SLC26A9: variants seen among roughly 807,000 people sequenced by gnomAD.
SLC26A9 encodes the protein anion transporter/exchanger protein 9.
In SLC26A9, 46 loss-of-function variants were observed where a neutral mutation model predicts 87.1. That is an observed-to-expected ratio of 0.53 (90% CI 0.42 to 0.67). The LOEUF (loss-of-function observed/expected upper bound fraction) is 0.67, where lower values mean the gene tolerates loss of function less well. SLC26A9 is among the 30% of genes least tolerant of loss of function. The probability of loss-of-function intolerance (pLI) is 0.00; values close to 1 mark genes in which losing one functional copy is unlikely to be tolerated. For missense variants in SLC26A9, 927 were observed against 1,018.3 expected (o/e 0.91, Z 1.22); for synonymous variants, 437 against 409.1 (o/e 1.07, Z -0.82).
rs1383511183 is a variant in SLC26A9, at chr1:205,922,949, A to G, written c.1773+133T>C. 9 of 748,712 alleles carry G rather than the reference A, an allele frequency of 1.2e-5. No homozygotes were observed. In the East Asian group the frequency reaches 1.7e-4, roughly 14 times the overall value. The allele number at this position is 748,712 out of a possible 1,614,324, so 46.4% of individuals were successfully genotyped here. ...GAAAAATGCCCAGCGGCCACCAGGCAGTGTTCCCAGAGACTTTCTGTCTTT... is the reference window on the plus strand; with the variant it reads ...GAAAAATGCCCAGCGGCCACCAGGCGGTGTTCCCAGAGACTTTCTGTCTTT... On this transcript the variant is annotated intron_variant, in intron 16 of 20. Transcript: ENST00000367135.
At chr1:205,938,685 C>T (rs117201576) in intron 1 of SLC26A9, among the ~76,000 whole-genome samples, 166 of 152,242 alleles carry the variant, frequency 1.1e-3, no homozygotes, top group South Asian at 8.1e-3. Context: ...ATCCTTAAGA[C>T]CTGTTGAAGT....
At position 205,915,484 on chromosome 1, in the gene SLC26A9, G is replaced by A. The variant is rs556423465; in HGVS notation, c.2329-80C>T. On this transcript the variant is annotated intron_variant, in intron 20 of 20. Coordinates refer to ENST00000367135, the MANE Select transcript of SLC26A9 (RefSeq NM_052934.4). ...GGGTCACAGTGGCTGCAACCAAGAG[G>A]TGACCCTAGGAACCCCTGGCCAGAA... 23 of 1,593,712 alleles carry A rather than the reference G, an allele frequency of 1.4e-5. No homozygotes were observed. The African/African-American group carries it at 1.6e-4, about 11-fold the overall frequency.
rs1449167497 is a variant in SLC26A9, at chr1:205,935,707, G to T, written c.114C>A (p.Arg38=). 2 of 1,614,056 alleles carry T rather than the reference G, an allele frequency of 1.2e-6. No homozygotes were observed. The highest frequency in any genetic ancestry group is 2.7e-5 in the African/African-American group (2 of 75,034). Residue 38 remains arginine, a synonymous_variant, in exon 2 of 21, where the codon CGC becomes CGA. Coordinates refer to ENST00000367135, the MANE Select transcript of SLC26A9 (RefSeq NM_052934.4). ...DRTYPVGEKL[R]NAFRCSSAKI... ...TCTGGACCAGTTACCTGAAGGCATT[G>T]CGAAGTTTCTCTCCCACTGGGTATG...
rs771434283 is a variant in SLC26A9 at position 205,928,020 on chromosome 1, G to A, written c.983C>T (p.Ser328Leu). The change falls in exon 9 of 21, where the codon TCA becomes TTA. Residue 328 changes from serine to leucine, a missense_variant. Transcript: ENST00000367135. ...GFPTPVSPVV[S>L]QWKDMIGTAF... ...TGTGCCTATCATGTCCTTCCACTGT[G>A]AGACCACAGGCGACACCGGGGTGGG... 5.0e-6 allele frequency: 8 copies of A among 1,613,862 alleles called. No homozygotes were observed. The African/African-American group carries it at 8.0e-5, about 16-fold the overall frequency.
rs1239345651 is a variant in SLC26A9, at chr1:205,931,921, G to A, written c.491C>T (p.Ala164Val). ...CACGTGCAGCCTCTCAGCCTCCATGGCTGCTGTGTCCACATAGCTCTCATT... is the reference window on the plus strand; with the variant it reads ...CACGTGCAGCCTCTCAGCCTCCATGACTGCTGTGTCCACATAGCTCTCATT... ...ATNESYVDTA[A>V]MEAERLHVSA... The change falls in exon 5 of 21, where the codon GCC becomes GTC. Residue 164 changes from alanine (A) to valine (V), a missense_variant. Physicochemically the swap from Ala to Val is moderately conservative, Grantham distance 64 (BLOSUM62 0). Transcript: ENST00000367135. 6.2e-7 allele frequency: 1 copy of A among 1,614,114 alleles called. No individual in the cohort carries two copies. Among genetic ancestry groups the A allele is most frequent in the Non-Finnish European group, 8.5e-7 (1 of 1,180,036 alleles).
chr1:205,919,040 T>C, intron 18 of SLC26A9, 55 bp from the exon 19 acceptor site: 1 of 1,602,970 alleles, frequency 6.2e-7, no homozygotes, highest in African/African-American at 1.3e-5. Flanking sequence ...GGATTGGAGC[T>C]GGGGGTGGGG....
At chr1:205,918,024 T>C (rs368014876) in intron 19 of SLC26A9, among the ~76,000 whole-genome samples, 18 of 152,312 alleles carry the variant, frequency 1.2e-4, no homozygotes, top group African/African-American at 4.3e-4. Flanking sequence ...TCCTGGGCAG[T>C]CTTTCAGCAC....
chr1:205,937,572 C>G (rs1659559020), intron 1 of SLC26A9, among the ~76,000 whole-genome samples: 1 of 152,222 alleles, frequency 6.6e-6, no homozygotes. Context: ...TATGAAGAGG[C>G]TGGCCTTTTA....
Position 205,921,648 on chromosome 1 carries a change from G to A in SLC26A9, c.1973C>T (p.Pro658Leu), listed in dbSNP as rs376962751. Reference sequence around the variant, plus strand: ...GATGAGGGTGTGGAAGGTGACGAAGGGTGGGACGCTGGCCAGCATGTCACT... The same window carrying A: ...GATGAGGGTGTGGAAGGTGACGAAGAGTGGGACGCTGGCCAGCATGTCACT... ...EPSDMLASVP[P>L]FVTFHTLILD... Residue 658 changes from proline (P) to leucine (L), a missense_variant, in exon 17 of 21, where the codon CCC (proline) becomes CTC (leucine). Coordinates refer to ENST00000367135, the MANE Select transcript of SLC26A9 (RefSeq NM_052934.4). 81 of 1,608,386 alleles carry A rather than the reference G, an allele frequency of 5.0e-5. No homozygotes were observed. Among genetic ancestry groups the A allele is most frequent in the Admixed American group, 1.7e-4 (10 of 59,396 alleles).
At position 205,922,229 on chromosome 1, in the gene SLC26A9, C is replaced by T. The variant is rs59734751; in HGVS notation, c.1774-382G>A. Among the ~76,000 whole-genome samples the T allele has an allele frequency of 1.5e-3, 231 of 152,264 alleles. 2 individuals carry two copies. The highest frequency in any genetic ancestry group is 0.015 in the South Asian group (72 of 4,818). ...TCGGCTCACTGCAACCTCTGCCTCC[C>T]GGGTTCAAGTGATTCTCGTGCCTCA... On this transcript the variant is annotated intron_variant, in intron 16 of 20. Transcript: ENST00000367135.
At chr1:205,920,456 C>T (rs148306935) in intron 17 of SLC26A9, among the ~76,000 whole-genome samples, 130 of 152,254 alleles carry the variant, frequency 8.5e-4, no homozygotes, top group African/African-American at 2.8e-3. Flanking sequence ...GCCAACGTGG[C>T]GGGCACTTAA....
At chr1:205,929,871 G>A (rs1659234597) in intron 6 of SLC26A9, 21 bp downstream of exon 6, 10 of 1,571,906 alleles carry the variant, frequency 6.4e-6, no homozygotes, top group South Asian at 3.4e-5. Flanking sequence ...TCCAATGGCA[G>A]GGGTGCATCC....
In SLC26A9 at chr1:205,920,228, C is replaced by T. The variant is rs906399039; in HGVS notation, c.2058G>A (p.Leu686=). The change falls in exon 18 of 21, where the codon CTG becomes CTA. Residue 686 remains leucine (L), a splice_region_variant and synonymous_variant. Coordinates refer to ENST00000367135, the MANE Select transcript of SLC26A9 (RefSeq NM_052934.4). ...DLMGIKALAK[L]SSTYGKIGVK... ...CGCCGATCTTCCCATAGGTGGAGCTCAGCTAGAAGTGTTGTTGGGGTAGGG... is the reference window on the plus strand; with the variant it reads ...CGCCGATCTTCCCATAGGTGGAGCTTAGCTAGAAGTGTTGTTGGGGTAGGG... 7 of 1,613,858 alleles carry T rather than the reference C, an allele frequency of 4.3e-6. No homozygotes were observed. Among genetic ancestry groups the T allele is most frequent in the South Asian group, 1.1e-5 (1 of 91,080 alleles).
chr1:205,915,099 G>A lies in SLC26A9; in HGVS notation c.*258C>T, dbSNP rs147543239. 4.8e-5 allele frequency: 77 copies of A among 1,614,054 alleles called. 1 individual carries two copies. The African/African-American group carries it at 5.9e-4, about 12-fold the overall frequency. ...AGTGAGCAGGAGGCTTGTCCATTGC[G>A]GCCAGGGCCTGACGGGTGAAGAGTG... On this transcript the variant is annotated 3_prime_UTR_variant, in exon 21 of 21. Coordinates refer to ENST00000367135, the MANE Select transcript of SLC26A9 (RefSeq NM_052934.4).
rs527955223 is a variant in SLC26A9 at position 205,914,373 on chromosome 1, C to T, written c.*984G>A. On this transcript the variant is annotated 3_prime_UTR_variant, in exon 21 of 21. Coordinates refer to ENST00000367135, the MANE Select transcript of SLC26A9 (RefSeq NM_052934.4). ...AGATTTACCAAAGGGAGGCATTTCCCTGATGGGCCCTGGGGTCAAGGGGGA... is the reference window on the plus strand; with the variant it reads ...AGATTTACCAAAGGGAGGCATTTCCTTGATGGGCCCTGGGGTCAAGGGGGA... 1.8e-3 allele frequency: 272 copies of T among 153,954 alleles called. No individual in the cohort carries two copies. The highest frequency in any genetic ancestry group is 3.3e-3 in the Non-Finnish European group (228 of 69,088). The allele number at this position is 153,954 out of a possible 1,614,324, so 9.5% of individuals were successfully genotyped here.
At chr1:205,932,885 A>T in intron 3 of SLC26A9, 60 bp downstream of exon 3, 6 of 1,607,546 alleles carry the variant, frequency 3.7e-6, no homozygotes, top group Non-Finnish European at 4.3e-6. Flanking sequence ...TGGAGTGGGG[A>T]TGAGGAGAGG....
intron 17 of SLC26A9, 56 bp downstream of exon 17, chr1:205,921,510 G>T: frequency 6.4e-7 from 1 of 1,558,148 alleles, no homozygotes; most frequent in Non-Finnish European, 8.6e-7. Flanking sequence ...AGGGAATGTG[G>T]AGAGCAGAGC....
intron 11 of SLC26A9, among the ~76,000 whole-genome samples, chr1:205,926,881 TC>T (rs1415522582): frequency 6.6e-6 from 1 of 152,168 alleles, no homozygotes; most frequent in African/African-American, 2.4e-5. Flanking sequence ...CCTAGAGCCC[TC>T]CTAGCTGGGC....
At position 205,915,213 on chromosome 1, in the gene SLC26A9, G is replaced by T; in HGVS notation, c.*144C>A. On this transcript the variant is annotated 3_prime_UTR_variant, in exon 21 of 21. Coordinates refer to ENST00000367135, the MANE Select transcript of SLC26A9 (RefSeq NM_052934.4). ...AGATGCGGGGAGGGAAGGAAGGGAG[G>T]AGAGAGGGGGAGAGGAGAGAGGAAC... 1 of 1,606,560 alleles carries T rather than the reference G, an allele frequency of 6.2e-7. No individual in the cohort carries two copies. Among genetic ancestry groups the T allele is most frequent in the Non-Finnish European group, 8.5e-7 (1 of 1,175,526 alleles).
Sources: allele counts gnomAD v4.1 joint callset (sites outside exome capture counted in the v4.1 genomes callset), GRCh38; gene constraint gnomAD v4.1.1; transcripts MANE v1.5; gene names NCBI Gene and HGNC (gene_info 2026-07-23, HGNC 2026-07-21).